LATS2: variants seen among roughly 807,000 people sequenced by gnomAD.
LATS2 encodes large tumor suppressor kinase 2, also known as serine/threonine-protein kinase LATS2.
In LATS2, 24 loss-of-function variants were observed where a neutral mutation model predicts 76.0. The observed-to-expected ratio is 0.32, with a 90% CI of 0.23 to 0.44. The LOEUF (loss-of-function observed/expected upper bound fraction) is 0.44. Ranked by LOEUF, LATS2 falls within the 20% of genes least tolerant of loss-of-function variation. The probability of loss-of-function intolerance (pLI) is 1.00; values close to 1 mark genes in which losing one functional copy is unlikely to be tolerated. For missense variants in LATS2, 1,286 were observed against 1,481.2 expected, an observed-to-expected ratio of 0.87 and a Z score of 2.16; for synonymous variants, 692 against 635.4, an observed-to-expected ratio of 1.09 and a Z score of -1.34.
chr13:21,028,290 T>C (rs1434156612), intron 2 of LATS2, among the ~76,000 whole-genome samples: 4 of 152,194 alleles, frequency 2.6e-5, no homozygotes, highest in Non-Finnish European at 4.4e-5. Flanking sequence ...TAGTATTCCA[T>C]GGTGTATATG....
chr13:20,985,115 T>A (rs1270196864), intron 4 of LATS2, among the ~76,000 whole-genome samples: 1 of 152,128 alleles, frequency 6.6e-6, no homozygotes, highest in Non-Finnish European at 1.5e-5. Flanking sequence ...CCCCAATCTC[T>A]CACCATATAG....
intron 7 of LATS2, among the ~76,000 whole-genome samples, chr13:20,976,612 G>GTTGAT (rs1869635536): frequency 6.6e-6 from 1 of 152,126 alleles, no homozygotes; most frequent in South Asian, 2.1e-4. Context: ...AACCAAATAA[G>GTTGAT]TTGATTTAAA....
intron 2 of LATS2, among the ~76,000 whole-genome samples, chr13:21,011,843 C>A (rs1285004616): frequency 6.6e-6 from 1 of 152,168 alleles, no homozygotes; most frequent in African/African-American, 2.4e-5. Flanking sequence ...ATGCTACAGC[C>A]CCCTACACAC....
chr13:21,030,703 A>G (rs1318327903), intron 2 of LATS2, among the ~76,000 whole-genome samples: 4 of 151,974 alleles, frequency 2.6e-5, no homozygotes, highest in Admixed American at 2.6e-4. Flanking sequence ...TAGGTATGAT[A>G]AACCTATCAA....
At chr13:20,998,330 G>A (rs1424863850) in intron 2 of LATS2, among the ~76,000 whole-genome samples, 1 of 151,986 alleles carries the variant, frequency 6.6e-6, no homozygotes, top group Admixed American at 6.6e-5. Flanking sequence ...TCCAGCCTGG[G>A]AGACAGAGCA....
chr13:21,057,368 C>G (rs887455613), intron 1 of LATS2, among the ~76,000 whole-genome samples: 1 of 152,202 alleles, frequency 6.6e-6, no homozygotes, highest in African/African-American at 2.4e-5. Context: ...TCACAATTAA[C>G]TTGACATGAT....
intron 2 of LATS2, among the ~76,000 whole-genome samples, chr13:21,001,272 C>A (rs192251285): frequency 3.9e-5 from 6 of 152,328 alleles, no homozygotes; most frequent in Non-Finnish European, 8.8e-5. Context: ...CCTATTAGTA[C>A]ACACACATGG....
At chr13:21,003,428 G>A (rs1033350903) in intron 2 of LATS2, among the ~76,000 whole-genome samples, 3 of 146,726 alleles carry the variant, frequency 2.0e-5, no homozygotes, top group African/African-American at 7.7e-5. Context: ...ATTTTTGTCT[G>A]TCTTTCTTTT....
chr13:21,007,350 A>G (rs988982091), intron 2 of LATS2, among the ~76,000 whole-genome samples: 1 of 150,240 alleles, frequency 6.7e-6, no homozygotes, highest in Non-Finnish European at 1.5e-5. Flanking sequence ...ATGTCAGGAC[A>G]TGCATCCTCC....
rs1565957883 is a variant in LATS2, at chr13:21,024,110, A to AAAAAAG, written c.342+21569_342+21574dup. Among the ~76,000 whole-genome samples, 95 of 146,412 alleles carry AAAAAAG rather than the reference A, an allele frequency of 6.5e-4. 2 individuals are homozygous for AAAAAAG. The highest frequency in any genetic ancestry group is 3.5e-3 in the East Asian group (16 of 4,584). ...TCGCTGTGCAAAAAAAAAAAAAAAA[A>AAAAAAG]AAAAAGAAAAAGAAAAAACAGCTTG... On this transcript the variant is annotated intron_variant, in intron 2 of 7. Transcript: ENST00000382592.
chr13:21,023,691 C>T (rs1361499155), intron 2 of LATS2, among the ~76,000 whole-genome samples: 1 of 129,440 alleles, frequency 7.7e-6, no homozygotes, highest in Non-Finnish European at 1.6e-5. Context: ...AAACAAACCT[C>T]GGCCGGGCGC....
intron 2 of LATS2, among the ~76,000 whole-genome samples, chr13:21,029,716 G>A (rs150722345): frequency 2.3e-3 from 355 of 152,222 alleles, no homozygotes; most frequent in African/African-American, 8.0e-3. Context: ...ACTTGAACCC[G>A]GGAGGCAGAG....
At chr13:21,010,820 C>T (rs971591684) in intron 2 of LATS2, among the ~76,000 whole-genome samples, 3 of 152,346 alleles carry the variant, frequency 2.0e-5, no homozygotes, top group African/African-American at 2.4e-5. Flanking sequence ...TAAGGTCTGA[C>T]TTATGTTGAC....
chr13:21,033,951 T>C (rs1228285495), intron 2 of LATS2, among the ~76,000 whole-genome samples: 11 of 152,104 alleles, frequency 7.2e-5, no homozygotes, highest in Non-Finnish European at 1.5e-5. Flanking sequence ...ATCTTCTCCA[T>C]GTGATTTCTG....
rs80013796 is a variant in LATS2, at chr13:21,045,889, G to A, written c.138C>T (p.Ser46=). 4.0e-4 allele frequency: 646 copies of A among 1,614,182 alleles called. 9 individuals carry two copies. The African/African-American group carries it at 7.7e-3, about 19-fold the overall frequency. ...GLPAGPNSDT[S]LDAKVLGSKD... is the part of the protein sequence containing the mutation. ...TGCTCCCCAGGACTTTGGCATCCAG[G>A]GAAGTGTCACTGTTTGGTCCTGCGG... The change falls in exon 2 of 8, where the codon TCC becomes TCT. Residue 46 remains serine, a synonymous_variant. Transcript: ENST00000382592.
At position 20,988,412 on chromosome 13, in the gene LATS2, C is replaced by T. The variant is rs1240800376; in HGVS notation, c.1368G>A (p.Thr456=). 2.8e-6 allele frequency: 4 copies of T among 1,421,940 alleles called. No homozygotes were observed. Among genetic ancestry groups the T allele is most frequent in the Non-Finnish European group, 2.7e-6 (3 of 1,097,482 alleles). 88.1% of individuals were successfully genotyped at this position (1,421,940 alleles called of 1,614,324 possible). A position where few individuals can be genotyped will look rare whatever the true frequency, so the allele number is the denominator to read the frequency against. ...AGGCGGGGTGCGAGGGCCCCACAGC[C>T]GTCTGCGGCTCCGGCCTCAGCACAC... ...SVRVLRPEPQ[T]AVGPSHPAWV... Residue 456 remains threonine (T), a synonymous_variant, in exon 4 of 8, where the codon ACG becomes ACA. Coordinates refer to ENST00000382592, the MANE Select transcript of LATS2 (RefSeq NM_014572.3).
At position 21,036,774 on chromosome 13, in the gene LATS2, AAACAAC is replaced by A. The variant is rs147758795; in HGVS notation, c.342+8905_342+8910del. ...GGCGACAGAGCAAAACTCCGTCTCA[AAACAAC>A]AACAACAACAACAAAAAACAACAAC... On this transcript the variant is annotated intron_variant, in intron 2 of 7. Transcript: ENST00000382592. 4.6e-5 allele frequency among the ~76,000 whole-genome samples: 7 copies of A among 151,474 alleles called. No homozygotes were observed. The South Asian group carries it at 1.2e-3, about 27-fold the overall frequency.
chr13:21,039,733 T>C (rs1872801885), intron 2 of LATS2, among the ~76,000 whole-genome samples: 1 of 152,112 alleles, frequency 6.6e-6, no homozygotes, highest in African/African-American at 2.4e-5. Context: ...AACATGACAA[T>C]CTGCCAACAC....
intron 2 of LATS2, among the ~76,000 whole-genome samples, chr13:21,026,430 A>G (rs1595243859): frequency 6.6e-6 from 1 of 152,212 alleles, no homozygotes; most frequent in African/African-American, 2.4e-5. Context: ...ATGCTGTTGT[A>G]TAAGTGGTCC....
Sources: allele counts gnomAD v4.1 joint callset (sites outside exome capture counted in the v4.1 genomes callset), GRCh38; gene constraint gnomAD v4.1.1; transcripts MANE v1.5; gene names NCBI Gene and HGNC (gene_info 2026-07-23, HGNC 2026-07-21).